Variants in KCNIP4 observed in about 807,000 individuals in gnomAD.
KCNIP4 encodes the protein potassium voltage-gated channel interacting protein 4, also known as Kv channel-interacting protein 4.
KCNIP4 carries 12 observed loss-of-function variants against 34.0 expected under a neutral mutation model. The observed-to-expected ratio is 0.35, with a 90% CI of 0.23 to 0.57. The LOEUF (loss-of-function observed/expected upper bound fraction) is 0.57, where lower values mean the gene tolerates loss of function less well. Ranked by LOEUF, KCNIP4 falls within the 20% of genes least tolerant of loss-of-function variation. The pLI, the probability that KCNIP4 is intolerant of heterozygous loss-of-function variation, is 0.83. For missense variants in KCNIP4, 238 were observed against 311.7 expected (o/e 0.76, Z 1.78); for synonymous variants, 124 against 102.2 (o/e 1.21, Z -1.29).
chr4:21,121,638 C>T (rs1466831827), intron 1 of KCNIP4, among the ~76,000 whole-genome samples: 3 of 152,168 alleles, frequency 2.0e-5, no homozygotes, highest in East Asian at 1.9e-4. Flanking sequence ...CTTAACCTGT[C>T]GGAACTACAT....
At chr4:21,669,673 C>G (rs1326063562) in intron 1 of KCNIP4, among the ~76,000 whole-genome samples, 1 of 152,026 alleles carries the variant, frequency 6.6e-6, no homozygotes, top group Non-Finnish European at 1.5e-5. Context: ...AGTATGATGA[C>G]CCCTATCATT....
At chr4:21,739,005 T>C (rs1310486004) in intron 1 of KCNIP4, among the ~76,000 whole-genome samples, 2 of 152,142 alleles carry the variant, frequency 1.3e-5, no homozygotes, top group Non-Finnish European at 2.9e-5. Context: ...TGTATTTCAG[T>C]TGGAAGCAAT....
intron 1 of KCNIP4, among the ~76,000 whole-genome samples, chr4:21,266,508 C>T (rs1000802467): frequency 6.6e-6 from 1 of 152,112 alleles, no homozygotes. Context: ...CTTGGATTCC[C>T]TGGATTTAGC....
chr4:21,112,343 T>C (rs922828432), intron 1 of KCNIP4, among the ~76,000 whole-genome samples: 2 of 152,168 alleles, frequency 1.3e-5, no homozygotes, highest in Non-Finnish European at 1.5e-5. Context: ...GCAATCATCA[T>C]GATCGAGTCC....
chr4:20,741,986 C>T (rs1038167365), intron 5 of KCNIP4, among the ~76,000 whole-genome samples: 2 of 152,168 alleles, frequency 1.3e-5, no homozygotes, highest in Non-Finnish European at 2.9e-5. Flanking sequence ...GGATAAATTC[C>T]TGGACACATA....
intron 1 of KCNIP4, among the ~76,000 whole-genome samples, chr4:20,985,537 G>A (rs1279787116): frequency 6.6e-6 from 1 of 152,082 alleles, no homozygotes; most frequent in Non-Finnish European, 1.5e-5. Flanking sequence ...CATAGTGACT[G>A]GAAGGCAACA....
intron 1 of KCNIP4, among the ~76,000 whole-genome samples, chr4:21,764,693 A>G (rs938472863): frequency 6.6e-6 from 1 of 152,102 alleles, no homozygotes; most frequent in African/African-American, 2.4e-5. Flanking sequence ...AGGGAGGCTT[A>G]GAAATCTTTT....
At chr4:21,785,340 C>T (rs903579120) in intron 1 of KCNIP4, among the ~76,000 whole-genome samples, 3 of 151,930 alleles carry the variant, frequency 2.0e-5, no homozygotes, top group Non-Finnish European at 2.9e-5. Flanking sequence ...CCTGTAATCC[C>T]AGCACTTTGT....
intron 1 of KCNIP4, among the ~76,000 whole-genome samples, chr4:21,251,108 G>A (rs893297669): frequency 7.9e-5 from 12 of 151,780 alleles, no homozygotes; most frequent in East Asian, 1.9e-4. Flanking sequence ...GCGTTTAAAC[G>A]AATTATGATA....
At chr4:21,383,830 T>A (rs142469678) in intron 1 of KCNIP4, among the ~76,000 whole-genome samples, 1 of 152,264 alleles carries the variant, frequency 6.6e-6, no homozygotes, top group East Asian at 1.9e-4. Context: ...TAAGTAGGCT[T>A]GGGGGCTTCC....
At chr4:20,892,250 GA>G (rs774399987) in intron 1 of KCNIP4, among the ~76,000 whole-genome samples, 19 of 152,178 alleles carry the variant, frequency 1.2e-4, no homozygotes, top group Non-Finnish European at 2.5e-4. Context: ...GAAGGTGCTT[GA>G]ATTTGCTGAA....
chr4:21,882,634 G>A (rs570659229), intron 1 of KCNIP4, among the ~76,000 whole-genome samples: 10 of 152,222 alleles, frequency 6.6e-5, no homozygotes, highest in African/African-American at 2.4e-4. Context: ...AATAGAAACT[G>A]AGAGACTGTA....
intron 1 of KCNIP4, among the ~76,000 whole-genome samples, chr4:21,416,861 CAG>C (rs1724991539): frequency 6.6e-6 from 1 of 152,126 alleles, no homozygotes; most frequent in African/African-American, 2.4e-5. Flanking sequence ...AGGACTCAGA[CAG>C]AAGACAGAAT....
chr4:21,675,590 AT>A (rs961757858), intron 1 of KCNIP4, among the ~76,000 whole-genome samples: 7 of 152,034 alleles, frequency 4.6e-5, no homozygotes, highest in African/African-American at 1.4e-4. Context: ...GTACTCACCA[AT>A]TTTTTTATTA....
At chr4:21,430,842 G>T (rs958717655) in intron 1 of KCNIP4, among the ~76,000 whole-genome samples, 1 of 138,976 alleles carries the variant, frequency 7.2e-6, no homozygotes, top group African/African-American at 2.7e-5. Context: ...ACACTATACT[G>T]CTTCTAAATT....
At position 21,601,622 on chromosome 4, in the gene KCNIP4, A is replaced by G. The variant is rs557649476; in HGVS notation, c.61+346949T>C. ...AATGGCTTCCTGCTGCACTGGATGG[A>G]TGTTCATATTCCATCCATTGGTCTA... On this transcript the variant is annotated intron_variant, in intron 1 of 8. Transcript: ENST00000382152. Among the ~76,000 whole-genome samples the G allele has an allele frequency of 2.0e-5, 3 of 152,068 alleles. No homozygotes were observed. The East Asian group carries it at 5.8e-4, about 29-fold the overall frequency.
intron 1 of KCNIP4, among the ~76,000 whole-genome samples, chr4:21,875,848 C>T (rs1190317037): frequency 6.6e-6 from 1 of 152,088 alleles, no homozygotes; most frequent in Non-Finnish European, 1.5e-5. Flanking sequence ...TTTTACTTCA[C>T]ATGCCACATG....
chr4:21,192,928 C>A (rs62295283), intron 1 of KCNIP4, among the ~76,000 whole-genome samples: 35,152 of 111,708 alleles, frequency 0.31, 4,610 homozygotes, highest in African/African-American at 0.47. Flanking sequence ...ACTACTACTA[C>A]TACTACTACT....
intron 1 of KCNIP4, among the ~76,000 whole-genome samples, chr4:21,823,026 T>C (rs1578034239): frequency 6.6e-6 from 1 of 152,116 alleles, no homozygotes; most frequent in African/African-American, 2.4e-5. Flanking sequence ...TTTACATAAA[T>C]AAAATATTTG....
Sources: gnomAD v4.1 joint callset for allele counts (sites outside exome capture counted in the v4.1 genomes callset) on GRCh38, gnomAD v4.1.1 for gene constraint, MANE v1.5 for transcripts, NCBI Gene and HGNC (gene_info 2026-07-23, HGNC 2026-07-21) for gene names.